ADGRL3: variants seen among roughly 807,000 people sequenced by gnomAD.
ADGRL3 encodes the protein calcium-independent alpha-latrotoxin receptor 3.
A neutral mutation model predicts 153.5 loss-of-function variants in ADGRL3; 62 were observed. The observed-to-expected ratio is 0.40, with a 90% CI of 0.33 to 0.50. ADGRL3 has a LOEUF of 0.50. Ranked by LOEUF, ADGRL3 falls within the 20% of genes least tolerant of loss-of-function variation. The pLI is 0.47. For synonymous variants in ADGRL3, 710 were observed against 672.5 expected (o/e 1.06, Z -0.86); for missense variants, 1,641 against 1,859.4 (o/e 0.88, Z 2.16).
chr4:61,410,321 A>G (rs952270088), intron 2 of ADGRL3, among the ~76,000 whole-genome samples: 1 of 152,128 alleles, frequency 6.6e-6, no homozygotes, highest in Non-Finnish European at 1.5e-5. Flanking sequence ...CCAAATATAA[A>G]CATTGTACCT....
chr4:61,408,616 A>G (rs1005512495), intron 2 of ADGRL3, among the ~76,000 whole-genome samples: 3 of 151,948 alleles, frequency 2.0e-5, no homozygotes, highest in African/African-American at 7.2e-5. Flanking sequence ...TCCCCTACTT[A>G]CCAATATTTA....
rs1031827877 is a variant in ADGRL3, at chr4:61,415,958, A to G, written c.-174+32769A>G. On this transcript the variant is annotated intron_variant, in intron 2 of 26. Coordinates refer to ENST00000683033, the MANE Select transcript of ADGRL3 (RefSeq NM_001387552.1). The stretch of plus-strand genomic sequence containing the variant: ...TTTTCCATAAAACATTGCAGAGTTC[A>G]AAAGTATTACGTCTTTTAAAAGGCT... 2.0e-5 allele frequency among the ~76,000 whole-genome samples: 3 copies of G among 152,100 alleles called. No homozygotes were observed. The South Asian group carries it at 6.2e-4, about 31-fold the overall frequency.
At chr4:61,234,484 T>C (rs1288873428) in intron 1 of ADGRL3, among the ~76,000 whole-genome samples, 2 of 152,066 alleles carry the variant, frequency 1.3e-5, no homozygotes, top group Non-Finnish European at 2.9e-5. Flanking sequence ...ACAGCCAAAC[T>C]ATATCAGGTT....
chr4:61,755,320 G>T (rs1201724717), intron 8 of ADGRL3, among the ~76,000 whole-genome samples: 1 of 152,016 alleles, frequency 6.6e-6, no homozygotes, highest in Non-Finnish European at 1.5e-5. Context: ...TCTAACTGGT[G>T]TGAGATGGTA....
At chr4:62,018,607 GAA>G (rs2099223995) in intron 21 of ADGRL3, among the ~76,000 whole-genome samples, 2 of 152,018 alleles carry the variant, frequency 1.3e-5, no homozygotes, top group African/African-American at 4.8e-5. Context: ...GAGAGAGAGA[GAA>G]GAACAATATA....
intron 1 of ADGRL3, among the ~76,000 whole-genome samples, chr4:61,222,745 C>G (rs1258795919): frequency 6.6e-6 from 1 of 152,140 alleles, no homozygotes; most frequent in Non-Finnish European, 1.5e-5. Context: ...GAAACCCAGA[C>G]TACAAAGTGA....
chr4:61,996,683 A>G (rs933398189), intron 20 of ADGRL3, among the ~76,000 whole-genome samples: 3 of 152,158 alleles, frequency 2.0e-5, no homozygotes, highest in Non-Finnish European at 2.9e-5. Context: ...GTGTATTTCC[A>G]TTATTTTTCT....
At chr4:61,967,486 A>C (rs1483482517) in intron 17 of ADGRL3, among the ~76,000 whole-genome samples, 2 of 152,202 alleles carry the variant, frequency 1.3e-5, no homozygotes, top group Non-Finnish European at 2.9e-5. Flanking sequence ...TGATAACATA[A>C]AGCCAAATAT....
chr4:61,901,325 A>G (rs1034051658), intron 11 of ADGRL3, among the ~76,000 whole-genome samples: 4 of 152,202 alleles, frequency 2.6e-5, no homozygotes, highest in Admixed American at 6.5e-5. Context: ...TCTAGAAATA[A>G]TGTTGCCATT....
intron 7 of ADGRL3, 65 bp from the exon 8 acceptor site, chr4:61,732,689 T>TA: frequency 1.1e-6 from 1 of 886,890 alleles, no homozygotes. Context: ...TGGTGAAAAA[T>TA]AAGACTATAT....
chr4:61,238,193 A>G (rs1257344149), intron 1 of ADGRL3, among the ~76,000 whole-genome samples: 1 of 152,160 alleles, frequency 6.6e-6, no homozygotes, highest in Admixed American at 6.6e-5. Flanking sequence ...TACTGCAGCA[A>G]ATAGAACCAC....
At chr4:61,762,694 T>C (rs1459704217) in intron 8 of ADGRL3, among the ~76,000 whole-genome samples, 1 of 152,130 alleles carries the variant, frequency 6.6e-6, no homozygotes, top group African/African-American at 2.4e-5. Flanking sequence ...AAATACAACA[T>C]GAAGCACAGG....
At chr4:61,622,253 C>A (rs944850495) in intron 5 of ADGRL3, among the ~76,000 whole-genome samples, 1 of 151,654 alleles carries the variant, frequency 6.6e-6, no homozygotes, top group African/African-American at 2.4e-5. Context: ...AAGTAAAATC[C>A]CACCATATGC....
chr4:61,517,449 C>T lies in ADGRL3; in HGVS notation c.190C>T (p.Gln64Ter). The T allele has an allele frequency of 1.2e-6, 1 of 802,948 alleles. No homozygotes were observed. Among genetic ancestry groups the T allele is most frequent in the Non-Finnish European group, 2.1e-6 (1 of 476,416 alleles). 49.7% of individuals were successfully genotyped at this position (802,948 alleles called of 1,614,324 possible). The change falls in exon 4 of 27, where the codon CAA becomes TAA. Residue 64 changes from glutamine (Q) to a stop codon, truncating the protein, a stop_gained. Coordinates refer to ENST00000683033, the MANE Select transcript of ADGRL3 (RefSeq NM_001387552.1). LOFTEE classifies it high-confidence loss of function. ...AAERTAAHRG[Q>*]GPRGATRGVR... ...AGAGCGCACCGCTGCTCATCGTGGACAAGGGCCCCGTGGAGCTACCAGAGG... is the reference window on the plus strand; with the variant it reads ...AGAGCGCACCGCTGCTCATCGTGGATAAGGGCCCCGTGGAGCTACCAGAGG...
chr4:61,334,666 G>C (rs1043498875), intron 1 of ADGRL3, among the ~76,000 whole-genome samples: 3 of 152,022 alleles, frequency 2.0e-5, no homozygotes, highest in East Asian at 1.9e-4. Flanking sequence ...GTCTCCAATT[G>C]GGTTTTACTA....
At chr4:61,359,456 C>T (rs906961715) in intron 1 of ADGRL3, among the ~76,000 whole-genome samples, 5 of 152,172 alleles carry the variant, frequency 3.3e-5, no homozygotes, top group Non-Finnish European at 7.3e-5. Flanking sequence ...TCTCCTCCCT[C>T]CCTCTGCAGC....
intron 2 of ADGRL3, among the ~76,000 whole-genome samples, chr4:61,478,928 T>A (rs2098099188): frequency 6.6e-6 from 1 of 152,058 alleles, no homozygotes; most frequent in Non-Finnish European, 1.5e-5. Context: ...AGATATACCC[T>A]AAAAAACTCT....
At chr4:61,826,234 G>C (rs1008973818) in intron 9 of ADGRL3, among the ~76,000 whole-genome samples, 2 of 152,104 alleles carry the variant, frequency 1.3e-5, no homozygotes, top group Non-Finnish European at 2.9e-5. Context: ...GGTGACCATT[G>C]AGCTGAAGCA....
At chr4:61,802,196 A>G (rs1026817857) in intron 8 of ADGRL3, among the ~76,000 whole-genome samples, 6 of 152,174 alleles carry the variant, frequency 3.9e-5, no homozygotes, top group African/African-American at 1.4e-4. Context: ...TAAACTTATT[A>G]AAGGAAGAAA....
Sources: allele counts gnomAD v4.1 joint callset (sites outside exome capture counted in the v4.1 genomes callset), GRCh38; gene constraint gnomAD v4.1.1; transcripts MANE v1.5; gene names NCBI Gene and HGNC (gene_info 2026-07-23, HGNC 2026-07-21).